The following ACER3 variants were observed in gnomAD, a reference collection of about 807,000 sequenced individuals.
ACER3 encodes the protein alkaline ceramidase 3.
In ACER3, 16 loss-of-function variants were observed where a neutral mutation model predicts 48.9. The ratio of observed to expected loss-of-function variants is 0.33; its 90% CI spans 0.22 to 0.50. ACER3 has a LOEUF of 0.50. Ranked by LOEUF, ACER3 falls within the 20% of genes least tolerant of loss-of-function variation. ACER3 has a pLI of 0.98. For missense variants in ACER3, 227 were observed against 326.0 expected, an observed-to-expected ratio of 0.70 and a Z score of 2.34; for synonymous variants, 109 against 107.8, an observed-to-expected ratio of 1.01 and a Z score of -0.07.
chr11:77,002,832 A>G (rs1555020137), intron 7 of ACER3, among the ~76,000 whole-genome samples: 1 of 152,224 alleles, frequency 6.6e-6, no homozygotes. Context: ...GCTAAGTGAA[A>G]TAAGCCAGTC....
At chr11:76,998,391 G>A (rs1948958679) in intron 6 of ACER3, among the ~76,000 whole-genome samples, 1 of 141,066 alleles carries the variant, frequency 7.1e-6, no homozygotes, top group South Asian at 2.2e-4. Flanking sequence ...ATTGTAAAAT[G>A]GGAAGCACAA....
intron 1 of ACER3, among the ~76,000 whole-genome samples, chr11:76,862,647 A>AT (rs59836966): frequency 5.3e-5 from 8 of 151,864 alleles, no homozygotes; most frequent in South Asian, 2.1e-4. Context: ...ATATAGAATA[A>AT]TTTTTTTTTA....
intron 1 of ACER3, among the ~76,000 whole-genome samples, chr11:76,867,490 AAAAAAAAG>A (rs1381665049): frequency 0.34 from 33,319 of 99,290 alleles, 5,481 homozygotes; most frequent in Non-Finnish European, 0.46. Flanking sequence ...AAAAAAAAAA[AAAAAAAAG>A]AAAGAAAAGT....
intron 1 of ACER3, among the ~76,000 whole-genome samples, chr11:76,876,308 G>A (rs990733576): frequency 4.7e-5 from 7 of 148,274 alleles, no homozygotes; most frequent in African/African-American, 1.7e-4. Context: ...AGGTTTGCCT[G>A]TTCTAGAACT....
At chr11:76,868,385 CTCTCTCTGTG>C (rs1404489518) in intron 1 of ACER3, 116 of 545,654 alleles carry the variant, frequency 2.1e-4, no homozygotes, top group African/African-American at 5.2e-4. Context: ...ATCTCTCTCT[CTCTCTCTGTG>C]TGTGTGTGTG....
At chr11:76,987,661 G>T (rs1948712187) in intron 5 of ACER3, among the ~76,000 whole-genome samples, 1 of 152,196 alleles carries the variant, frequency 6.6e-6, no homozygotes, top group Non-Finnish European at 1.5e-5. Context: ...AAAGGGGCCA[G>T]GCACAGTGGC....
At chr11:76,950,436 GTATATC>G (rs1431497925) in intron 2 of ACER3, among the ~76,000 whole-genome samples, 6 of 113,286 alleles carry the variant, frequency 5.3e-5, no homozygotes, top group African/African-American at 1.2e-4. Flanking sequence ...GTGTGTGTAT[GTATATC>G]TATATCTATA....
intron 1 of ACER3, among the ~76,000 whole-genome samples, chr11:76,864,240 A>C (rs1945016224): frequency 6.6e-6 from 1 of 152,208 alleles, no homozygotes; most frequent in African/African-American, 2.4e-5. Context: ...ATTGTGAAAT[A>C]ATAAGCCCCT....
At chr11:76,968,043 C>T (rs1249998721) in intron 3 of ACER3, among the ~76,000 whole-genome samples, 2 of 152,162 alleles carry the variant, frequency 1.3e-5, no homozygotes, top group African/African-American at 2.4e-5. Flanking sequence ...CTAGAAAACC[C>T]CATCGTCTCA....
At chr11:76,862,881 G>A (rs1944978869) in intron 1 of ACER3, among the ~76,000 whole-genome samples, 1 of 152,214 alleles carries the variant, frequency 6.6e-6, no homozygotes, top group African/African-American at 2.4e-5. Context: ...GCTGGCCTTA[G>A]TTGCAGCTTT....
intron 1 of ACER3, among the ~76,000 whole-genome samples, chr11:76,917,736 C>T (rs547645897): frequency 6.6e-6 from 1 of 151,564 alleles, no homozygotes; most frequent in Admixed American, 6.6e-5. Context: ...TGGCATATGC[C>T]TTTAGTCCCA....
intron 7 of ACER3, among the ~76,000 whole-genome samples, chr11:77,013,065 G>A (rs993674288): frequency 3.8e-4 from 58 of 151,746 alleles, no homozygotes; most frequent in Non-Finnish European, 4.6e-4. Context: ...ATATTCTTAG[G>A]ACCAAAAAAA....
chr11:76,866,139 A>G (rs138806229), intron 1 of ACER3, among the ~76,000 whole-genome samples: 2 of 151,946 alleles, frequency 1.3e-5, no homozygotes, highest in East Asian at 3.9e-4. Flanking sequence ...CAGACTACAT[A>G]TTTAGAGTCC....
rs1314778179 is a variant in ACER3 at position 77,017,976 on chromosome 11, T to C, written c.704+1197T>C. Among the ~76,000 whole-genome samples, 5 of 111,452 alleles carry C rather than the reference T, an allele frequency of 4.5e-5. No homozygotes were observed. The East Asian group carries it at 1.5e-3, about 34-fold the overall frequency. 73.1% of individuals were successfully genotyped at this position (111,452 alleles called of 152,430 possible). ...TTTTTTTTTTTTGGGAGACAGAGTC[T>C]CCCCCAAGCTGGAGTGCAGTGGCAC... is the stretch of plus-strand genomic sequence containing the variant. On this transcript the variant is annotated intron_variant, in intron 9 of 10. Transcript: ENST00000532485.
At chr11:76,899,010 A>G (rs964482007) in intron 1 of ACER3, among the ~76,000 whole-genome samples, 1 of 151,888 alleles carries the variant, frequency 6.6e-6, no homozygotes, top group African/African-American at 2.4e-5. Context: ...TTCAACAACT[A>G]GATCTGATGA....
intron 2 of ACER3, among the ~76,000 whole-genome samples, chr11:76,950,894 C>T (rs542566170): frequency 2.2e-4 from 33 of 152,210 alleles, no homozygotes; most frequent in Admixed American, 1.7e-3. Flanking sequence ...TCTGTCTTTT[C>T]CTGAATTTAC....
In ACER3 at chr11:77,024,173, G is replaced by T. The variant is rs1423012208; in HGVS notation, c.*3846G>T. ...TGCAAAATGAAAAAAAAAAAAAAAA[G>T]GAATCATGTCATCTTGACCCAGCTG... On this transcript the variant is annotated 3_prime_UTR_variant, in exon 11 of 11. Transcript: ENST00000532485. 1 of 114,224 alleles carries T rather than the reference G, an allele frequency of 8.8e-6. No individual in the cohort carries two copies. Among genetic ancestry groups the T allele is most frequent in the East Asian group, 2.7e-4 (1 of 3,748 alleles). The allele number at this position is 114,224 out of a possible 1,614,324, so 7.1% of individuals were successfully genotyped here. A position where few individuals can be genotyped will look rare whatever the true frequency, so the allele number is the denominator to read the frequency against.
At position 76,904,304 on chromosome 11, in the gene ACER3, C is replaced by G. The variant is rs999539250; in HGVS notation, c.104-22253C>G. Among the ~76,000 whole-genome samples, 6 of 152,076 alleles carry G rather than the reference C, an allele frequency of 3.9e-5. No homozygotes were observed. The East Asian group carries it at 9.6e-4, about 24-fold the overall frequency. ...GAGCTACTGCACTCTGCCCAACCCC[C>G]CTTATCTTAAGCATTTCTTTCTGTC... On this transcript the variant is annotated intron_variant, in intron 1 of 10. Transcript: ENST00000532485.
At chr11:76,959,214 G>A (rs1947921079) in intron 3 of ACER3, 183 bp downstream of exon 3, 1 of 1,481,604 alleles carries the variant, frequency 6.7e-7, no homozygotes, top group Non-Finnish European at 8.9e-7. Context: ...AGTCCATAAG[G>A]AAAACAAGTA....
Sources: allele counts gnomAD v4.1 joint callset (sites outside exome capture counted in the v4.1 genomes callset), GRCh38; gene constraint gnomAD v4.1.1; transcripts MANE v1.5; gene names NCBI Gene and HGNC (gene_info 2026-07-23, HGNC 2026-07-21).